Variants in SH3PXD2A observed in about 807,000 individuals in gnomAD.
SH3PXD2A encodes SH3 and PX domains 2A.
A neutral mutation model predicts 115.2 loss-of-function variants in SH3PXD2A; 32 were observed. That is an observed-to-expected ratio of 0.28 (90% confidence interval 0.21 to 0.37). The LOEUF (loss-of-function observed/expected upper bound fraction) is 0.37, where lower values mean the gene tolerates loss of function less well. SH3PXD2A is among the 10% of genes least tolerant of loss of function. The pLI, the probability that SH3PXD2A is intolerant of heterozygous loss-of-function variation, is 1.00. For synonymous variants in SH3PXD2A, 610 were observed against 629.1 expected (o/e 0.97, Z 0.45); for missense variants, 1,328 against 1,498.7 (o/e 0.89, Z 1.88).
chr10:103,818,289 T>C (rs2039344405), intron 1 of SH3PXD2A, among the ~76,000 whole-genome samples: 1 of 152,174 alleles, frequency 6.6e-6, no homozygotes. Flanking sequence ...CACAGCATGC[T>C]TGTGTGGGTA....
intron 3 of SH3PXD2A, among the ~76,000 whole-genome samples, chr10:103,741,573 G>A (rs2038444316): frequency 6.6e-6 from 1 of 152,184 alleles, no homozygotes; most frequent in Admixed American, 6.5e-5. Context: ...AGGAGGGCCA[G>A]CTCCTCCCAG....
intron 2 of SH3PXD2A, among the ~76,000 whole-genome samples, chr10:103,795,426 G>GA (rs1794501798): frequency 6.6e-6 from 1 of 152,152 alleles, no homozygotes; most frequent in African/African-American, 2.4e-5. Context: ...GGTGCTCATG[G>GA]ATGGATTTCA....
intron 3 of SH3PXD2A, among the ~76,000 whole-genome samples, chr10:103,737,836 C>G (rs1388898569): frequency 6.6e-6 from 1 of 152,220 alleles, no homozygotes; most frequent in Non-Finnish European, 1.5e-5. Context: ...GCTGCAGCCA[C>G]CCCTGACTTC....
chr10:103,788,311 A>T (rs1415303161), intron 2 of SH3PXD2A, among the ~76,000 whole-genome samples: 3 of 152,124 alleles, frequency 2.0e-5, no homozygotes, highest in Non-Finnish European at 2.9e-5. Context: ...CAGCTGGTAA[A>T]GGGGCAGGCC....
intron 1 of SH3PXD2A, among the ~76,000 whole-genome samples, chr10:103,840,889 A>G (rs949943807): frequency 6.6e-6 from 1 of 152,214 alleles, no homozygotes; most frequent in African/African-American, 2.4e-5. Context: ...AATGGAAGAC[A>G]GTTTCCCTGG....
chr10:103,803,853 C>A (rs1030463147), intron 1 of SH3PXD2A, among the ~76,000 whole-genome samples: 2 of 152,132 alleles, frequency 1.3e-5, no homozygotes, highest in Non-Finnish European at 2.9e-5. Context: ...GTACAGCCTG[C>A]GTTATACATT....
rs1349965726 is a variant in SH3PXD2A, at chr10:103,736,831, G to A, written c.230-1023C>T. The A allele has an allele frequency of 3.2e-6, 4 of 1,264,996 alleles. No homozygotes were observed. The African/African-American group carries it at 6.1e-5, about 19-fold the overall frequency. 78.4% of individuals were successfully genotyped at this position (1,264,996 alleles called of 1,614,324 possible). A position where few individuals can be genotyped will look rare whatever the true frequency, so the allele number is the denominator to read the frequency against. Reference sequence around the variant, plus strand: ...CCTCAGTCTACCTAATTTCCCCCTGGAGAAGGCATCTTCCACTCCCAGTCC... The same window carrying A: ...CCTCAGTCTACCTAATTTCCCCCTGAAGAAGGCATCTTCCACTCCCAGTCC... On this transcript the variant is annotated intron_variant, in intron 3 of 14. Coordinates refer to ENST00000369774, the MANE Select transcript of SH3PXD2A (RefSeq NM_001394015.1).
intron 8 of SH3PXD2A, 150 bp downstream of exon 8, chr10:103,660,833 A>G: frequency 1.2e-6 from 1 of 819,558 alleles, no homozygotes; most frequent in Non-Finnish European, 2.0e-6. Context: ...CCAAACCAAC[A>G]GGGGGAAACT....
intron 5 of SH3PXD2A, among the ~76,000 whole-genome samples, chr10:103,714,511 C>T (rs751626798): frequency 6.6e-6 from 1 of 152,320 alleles, no homozygotes; most frequent in African/African-American, 2.4e-5. Flanking sequence ...TCCAGCTCGC[C>T]GACCCAGCAT....
intron 2 of SH3PXD2A, among the ~76,000 whole-genome samples, chr10:103,770,023 A>G (rs2038801733): frequency 6.6e-6 from 1 of 152,208 alleles, no homozygotes; most frequent in African/African-American, 2.4e-5. Flanking sequence ...GGAAAAAACT[A>G]GAAGTTATAG....
At chr10:103,726,329 G>C (rs766254095) in intron 4 of SH3PXD2A, among the ~76,000 whole-genome samples, 34 of 152,200 alleles carry the variant, frequency 2.2e-4, no homozygotes, top group Non-Finnish European at 1.2e-4. Context: ...AAGTCTGTGA[G>C]TGTCGTTCCA....
chr10:103,810,331 C>A (rs1293286396), intron 1 of SH3PXD2A, among the ~76,000 whole-genome samples: 1 of 152,166 alleles, frequency 6.6e-6, no homozygotes, highest in Admixed American at 6.5e-5. Context: ...GAAGATGAGG[C>A]AAAGCATCCA....
At chr10:103,778,908 A>G (rs1244476963) in intron 2 of SH3PXD2A, among the ~76,000 whole-genome samples, 2 of 152,170 alleles carry the variant, frequency 1.3e-5, no homozygotes, top group African/African-American at 4.8e-5. Flanking sequence ...CTTGGCCAAG[A>G]GGGAAGAGCA....
At chr10:103,826,935 C>T (rs1479229963) in intron 1 of SH3PXD2A, among the ~76,000 whole-genome samples, 9 of 152,166 alleles carry the variant, frequency 5.9e-5, no homozygotes, top group Admixed American at 4.6e-4. Flanking sequence ...GAGGATGCTT[C>T]GGCCCGGCTA....
At chr10:103,636,879 C>T (rs2036875151) in intron 8 of SH3PXD2A, among the ~76,000 whole-genome samples, 1 of 152,106 alleles carries the variant, frequency 6.6e-6, no homozygotes, top group Admixed American at 6.5e-5. Context: ...TCCCTTCTTC[C>T]TAGACAGACC....
chr10:103,711,837 T>C (rs536767348), intron 5 of SH3PXD2A, among the ~76,000 whole-genome samples: 11 of 152,164 alleles, frequency 7.2e-5, no homozygotes, highest in African/African-American at 2.4e-4. Flanking sequence ...GGAGGATCGT[T>C]TGAAGCCAAG....
At chr10:103,843,954 C>T (rs1475885939) in intron 1 of SH3PXD2A, among the ~76,000 whole-genome samples, 1 of 152,214 alleles carries the variant, frequency 6.6e-6, no homozygotes, top group Admixed American at 6.5e-5. Flanking sequence ...TCCACCCATA[C>T]ATTCTCTAAC....
At position 103,595,876 on chromosome 10, in the gene SH3PXD2A, G is replaced by C. The variant is rs2036125691; in HGVS notation, c.*5940C>G. 6.6e-6 allele frequency: 1 copy of C among 152,666 alleles called. No individual in the cohort carries two copies. The highest frequency in any genetic ancestry group is 1.5e-5 in the Non-Finnish European group (1 of 68,062). 9.5% of individuals were successfully genotyped at this position (152,666 alleles called of 1,614,324 possible). A position where few individuals can be genotyped will look rare whatever the true frequency, so the allele number is the denominator to read the frequency against. Reference sequence around the variant, plus strand: ...CCCACCTTATGGCCTGGGGACCCAGGTTTGCAGGAGGGAAGTTAACAGTGG... The same window carrying C: ...CCCACCTTATGGCCTGGGGACCCAGCTTTGCAGGAGGGAAGTTAACAGTGG... On this transcript the variant is annotated 3_prime_UTR_variant, in exon 15 of 15. Transcript: ENST00000369774.
chr10:103,800,484 A>G lies in SH3PXD2A; in HGVS notation c.153+798T>C, dbSNP rs375621353. Among the ~76,000 whole-genome samples, 20 of 152,348 alleles carry G rather than the reference A, an allele frequency of 1.3e-4. 1 individual carries two copies. In the East Asian group the frequency reaches 2.7e-3, roughly 21 times the overall value. ...GAAGCTGAGGGCAGTGCCAGAGGGA[A>G]GCAGAGACAAGACAGAGGGAGAGCA... On this transcript the variant is annotated intron_variant, in intron 2 of 14. Coordinates refer to ENST00000369774, the MANE Select transcript of SH3PXD2A (RefSeq NM_001394015.1).
Sources: gnomAD v4.1 joint callset for allele counts (sites outside exome capture counted in the v4.1 genomes callset) on GRCh38, gnomAD v4.1.1 for gene constraint, MANE v1.5 for transcripts, NCBI Gene and HGNC (gene_info 2026-07-23, HGNC 2026-07-21) for gene names.